Variants in ZFHX3 observed in about 807,000 individuals in gnomAD.
ZFHX3 encodes the protein zinc finger homeobox protein 3.
A neutral mutation model predicts 279.1 loss-of-function variants in ZFHX3; 42 were observed. The observed-to-expected ratio is 0.15, with a 90% CI of 0.12 to 0.19. The LOEUF (loss-of-function observed/expected upper bound fraction) is 0.19, where lower values mean the gene tolerates loss of function less well. Ranked by LOEUF, ZFHX3 falls within the 10% of genes least tolerant of loss-of-function variation. The pLI is 1.00. For synonymous variants in ZFHX3, 2,293 were observed against 1,957.8 expected, an observed-to-expected ratio of 1.17 and a Z score of -4.52; for missense variants, 4,981 against 4,754.0, an observed-to-expected ratio of 1.05 and a Z score of -1.40.
chr16:73,789,938 T>G (rs1959772035), intron 1 of ZFHX3, among the ~76,000 whole-genome samples: 1 of 152,210 alleles, frequency 6.6e-6, no homozygotes, highest in South Asian at 2.1e-4. Context: ...AAGCAGCACT[T>G]TGCCGTTCTG....
chr16:72,860,134 T>C (rs546070019), intron 4 of ZFHX3, among the ~76,000 whole-genome samples: 2 of 152,278 alleles, frequency 1.3e-5, no homozygotes, highest in South Asian at 2.1e-4. Flanking sequence ...CGTTACCGAT[T>C]ATATTTTAAC....
intron 1 of ZFHX3, among the ~76,000 whole-genome samples, chr16:73,886,305 A>G (rs973589780): frequency 1.7e-4 from 25 of 150,198 alleles, no homozygotes; most frequent in African/African-American, 4.4e-4. Flanking sequence ...TTTAAGAGGG[A>G]AAAAAAAACA....
rs191133442 is a variant in ZFHX3, at chr16:72,857,685, T to C, written c.3449-27826A>G. Among the ~76,000 whole-genome samples the C allele has an allele frequency of 1.7e-4, 26 of 149,830 alleles. No individual in the cohort carries two copies. The East Asian group carries it at 5.1e-3, about 30-fold the overall frequency. On this transcript the variant is annotated intron_variant, in intron 4 of 9. Coordinates refer to ENST00000268489, the MANE Select transcript of ZFHX3 (RefSeq NM_006885.4). ...GGGTGACAGAGCAAGATCCTGTCTC[T>C]GTAATTGACAAAAACAAAACAAAAC...
intron 5 of ZFHX3, among the ~76,000 whole-genome samples, chr16:72,818,832 A>G (rs1464684602): frequency 6.6e-6 from 1 of 152,178 alleles, no homozygotes; most frequent in Non-Finnish European, 1.5e-5. Context: ...CCTACCCCTA[A>G]AAGTAGAATA....
At chr16:72,866,283 G>A (rs148373797) in intron 4 of ZFHX3, among the ~76,000 whole-genome samples, 1 of 152,196 alleles carries the variant, frequency 6.6e-6, no homozygotes. Context: ...TAAGTATAAT[G>A]ACACTTTATG....
At chr16:73,794,903 T>A (rs1056992269) in intron 1 of ZFHX3, among the ~76,000 whole-genome samples, 2 of 152,158 alleles carry the variant, frequency 1.3e-5, no homozygotes, top group African/African-American at 4.8e-5. Context: ...ATGTTCTAGG[T>A]AAATGAAGGG....
At chr16:73,139,216 A>G (rs890019397) in intron 6 of ZFHX3, among the ~76,000 whole-genome samples, 30 of 152,254 alleles carry the variant, frequency 2.0e-4, no homozygotes, top group African/African-American at 7.2e-4. Flanking sequence ...CTGGAATGCA[A>G]TGCAGTCATT....
At chr16:73,350,656 A>G (rs2016224665) in intron 3 of ZFHX3, among the ~76,000 whole-genome samples, 1 of 152,002 alleles carries the variant, frequency 6.6e-6, no homozygotes, top group African/African-American at 2.4e-5. Context: ...CTTATGTTTC[A>G]CTCATCACTT....
intron 2 of ZFHX3, among the ~76,000 whole-genome samples, chr16:72,955,954 T>C (rs559990914): frequency 1.6e-4 from 25 of 152,236 alleles, no homozygotes; most frequent in African/African-American, 5.3e-4. Flanking sequence ...CTCACTCCCA[T>C]CTCCTGGTGT....
intron 3 of ZFHX3, among the ~76,000 whole-genome samples, chr16:73,353,781 T>G (rs1243180643): frequency 6.6e-6 from 1 of 152,104 alleles, no homozygotes; most frequent in Non-Finnish European, 1.5e-5. Context: ...AGAAAGACAT[T>G]TGGCATAAAG....
chr16:73,816,137 A>G (rs971628295), intron 1 of ZFHX3: 1 of 152,222 alleles, frequency 6.6e-6, no homozygotes, highest in African/African-American at 2.4e-5. Flanking sequence ...GTATACATAC[A>G]TATATACATA....
In ZFHX3 at chr16:73,582,084, G is replaced by T. The variant is rs1038561745; in HGVS notation, c.-1547+98096C>A. 1.4e-4 allele frequency among the ~76,000 whole-genome samples: 21 copies of T among 151,810 alleles called. 1 individual carries two copies. The highest frequency in any genetic ancestry group is 5.1e-4 in the African/African-American group (21 of 41,132). On this transcript the variant is annotated intron_variant, in intron 2 of 17. Coordinates refer to the ZFHX3 transcript ENST00000641206. ...ATTACTGTTTTTCAAAAGCATGGTA[G>T]CATAATTATACTATAAGAGATGATA...
chr16:73,398,094 C>G (rs1422119221), intron 3 of ZFHX3, among the ~76,000 whole-genome samples: 1 of 152,220 alleles, frequency 6.6e-6, no homozygotes, highest in African/African-American at 2.4e-5. Context: ...ATCCACCCAC[C>G]TAGGCCTCCC....
chr16:72,884,697 A>G (rs973464173), intron 4 of ZFHX3, among the ~76,000 whole-genome samples: 1 of 152,260 alleles, frequency 6.6e-6, no homozygotes, highest in African/African-American at 2.4e-5. Context: ...AGCCCAGGGC[A>G]CTTGATAGAA....
At chr16:73,764,554 T>G (rs1305708625) in intron 1 of ZFHX3, among the ~76,000 whole-genome samples, 1 of 152,134 alleles carries the variant, frequency 6.6e-6, no homozygotes, top group East Asian at 1.9e-4. Context: ...TTAAAGCTCA[T>G]GCTTCACGCT....
intron 1 of ZFHX3, among the ~76,000 whole-genome samples, chr16:73,873,803 A>G (rs1250935248): frequency 6.6e-6 from 1 of 152,130 alleles, no homozygotes; most frequent in African/African-American, 2.4e-5. Flanking sequence ...AAATAATCTG[A>G]TAAGAGGAGG....
At chr16:72,914,442 C>G (rs1014337198) in intron 3 of ZFHX3, among the ~76,000 whole-genome samples, 1 of 152,142 alleles carries the variant, frequency 6.6e-6, no homozygotes, top group South Asian at 2.1e-4. Flanking sequence ...TCTCCAAAAA[C>G]ATTTAGAGTT....
intron 3 of ZFHX3, among the ~76,000 whole-genome samples, chr16:72,918,420 AAT>A (rs1237228710): frequency 6.6e-6 from 1 of 152,222 alleles, no homozygotes; most frequent in Non-Finnish European, 1.5e-5. Flanking sequence ...TGATGGAAAA[AAT>A]AGTGACATTC....
At chr16:73,195,535 C>T (rs1295544142) in intron 5 of ZFHX3, among the ~76,000 whole-genome samples, 1 of 151,424 alleles carries the variant, frequency 6.6e-6, no homozygotes, top group African/African-American at 2.4e-5. Flanking sequence ...TCTTCTGCCT[C>T]AGCCTCCCGA....
Sources: allele counts gnomAD v4.1 joint callset (sites outside exome capture counted in the v4.1 genomes callset), GRCh38; gene constraint gnomAD v4.1.1; transcripts MANE v1.5; gene names NCBI Gene and HGNC (gene_info 2026-07-23, HGNC 2026-07-21).